Variants in ADO observed in about 807,000 individuals in gnomAD.
ADO encodes the protein 2-aminoethanethiol (cysteamine) dioxygenase.
In ADO, 9 loss-of-function variants were observed where a neutral mutation model predicts 16.6. The ratio of observed to expected loss-of-function variants is 0.54; its 90% CI spans 0.33 to 0.95. ADO has a LOEUF of 0.95. Among genes scored for constraint, ADO ranks in the 40% least tolerant of loss-of-function variants. The pLI is 0.03. For synonymous variants in ADO, 189 were observed against 179.6 expected (o/e 1.05, Z -0.42); for missense variants, 356 against 386.4 (o/e 0.92, Z 0.66).
chr10:62,805,416 C>A lies in ADO; in HGVS notation c.357C>A (p.Gly119=). 1.3e-6 allele frequency: 2 copies of A among 1,579,228 alleles called. No individual in the cohort carries two copies. Among genetic ancestry groups the A allele is most frequent in the East Asian group, 2.3e-5 (1 of 43,098 alleles). ...IPLHDHPGMH[G]MLKVLYGTVR... ...TGCACGACCACCCGGGCATGCACGG[C>A]ATGCTCAAGGTGCTGTACGGCACCG... Residue 119 remains glycine, a synonymous_variant, in exon 1 of 1, where the codon GGC becomes GGA. Transcript: ENST00000373783. The surrounding 1 kb of genome is among the most constrained non-coding windows in gnomAD (Gnocchi z 6.4).
Position 62,804,937 on chromosome 10 carries a change from G to C in ADO, c.-123G>C. ...TGGCGGCGGTGCCGCGCGCCCGACGGGCCGGTGGTTGCGGGGCCTCCCGCC... is the reference window on the plus strand; with the variant it reads ...TGGCGGCGGTGCCGCGCGCCCGACGCGCCGGTGGTTGCGGGGCCTCCCGCC... On this transcript the variant is annotated 5_prime_UTR_variant, in exon 1 of 1. Coordinates refer to ENST00000373783, the MANE Select transcript of ADO (RefSeq NM_032804.6). The C allele has an allele frequency of 1.1e-6, 1 of 938,598 alleles. No homozygotes were observed. The highest frequency in any genetic ancestry group is 1.4e-6 in the Non-Finnish European group (1 of 718,920). The allele number at this position is 938,598 out of a possible 1,614,324, so 58.1% of individuals were successfully genotyped here. A position where few individuals can be genotyped will look rare whatever the true frequency, so the allele number is the denominator to read the frequency against.
chr10:62,805,093 C>G lies in ADO; in HGVS notation c.34C>G (p.Arg12Gly). Residue 12 changes from arginine to glycine, a missense_variant, in exon 1 of 1, where the codon CGG (arginine) becomes GGG (glycine). Physicochemically the swap from Arg to Gly is moderately radical, Grantham distance 125. Coordinates refer to ENST00000373783, the MANE Select transcript of ADO (RefSeq NM_032804.6). The surrounding 1 kb of genome is among the most constrained non-coding windows in gnomAD (Gnocchi z 6.4). Reference protein sequence around the residue: ...PRDNMASLIQRIARQACLTFR... With the variant: ...PRDNMASLIQGIARQACLTFR... ...AGACAACATGGCCTCCTTGATCCAA[C>G]GGATCGCCCGCCAGGCTTGCCTCAC... 6.5e-7 allele frequency: 1 copy of G among 1,527,186 alleles called. No individual in the cohort carries two copies. The highest frequency in any genetic ancestry group is 8.7e-7 in the Non-Finnish European group (1 of 1,142,998). The allele number at this position is 1,527,186 out of a possible 1,614,324, so 94.6% of individuals were successfully genotyped here. A position where few individuals can be genotyped will look rare whatever the true frequency, so the allele number is the denominator to read the frequency against.
rs1299019845 is a variant in ADO at position 62,808,461 on chromosome 10, A to G, written c.*2589A>G. The G allele has an allele frequency of 6.0e-6, 1 of 167,132 alleles. No individual in the cohort carries two copies. Among genetic ancestry groups the G allele is most frequent in the African/African-American group, 2.4e-5 (1 of 41,474 alleles). 10.4% of individuals were successfully genotyped at this position (167,132 alleles called of 1,614,324 possible). ...ACTTTTATGGTGAATAATAAATGCA[A>G]TAATTGCCTCATGGGTGAGAAATTG... On this transcript the variant is annotated 3_prime_UTR_variant, in exon 1 of 1. Coordinates refer to ENST00000373783, the MANE Select transcript of ADO (RefSeq NM_032804.6).
chr10:62,806,199 A>G lies in ADO; in HGVS notation c.*327A>G. 3.8e-6 allele frequency: 1 copy of G among 260,922 alleles called. No homozygotes were observed. Among genetic ancestry groups the G allele is most frequent in the Middle Eastern group, 1.2e-3 (1 of 854 alleles). 16.2% of individuals were successfully genotyped at this position (260,922 alleles called of 1,614,324 possible). ...CTCTCTTCCCCATTCTATACAAAAT[A>G]CTAAGTGGTTTTCTTGCTCCCACTC... is the stretch of plus-strand genomic sequence containing the variant. On this transcript the variant is annotated 3_prime_UTR_variant, in exon 1 of 1. Transcript: ENST00000373783.
chr10:62,806,094 A>G lies in ADO; in HGVS notation c.*222A>G. 2 of 493,054 alleles carry G rather than the reference A, an allele frequency of 4.1e-6. No homozygotes were observed. The highest frequency in any genetic ancestry group is 7.3e-6 in the Non-Finnish European group (2 of 274,112). 30.5% of individuals were successfully genotyped at this position (493,054 alleles called of 1,614,324 possible). ...ATTGTTTCCTGGTACTGTCACTGCCACTGGGGCTTTGATTTGGAGGAATGG... is the reference window on the plus strand; with the variant it reads ...ATTGTTTCCTGGTACTGTCACTGCCGCTGGGGCTTTGATTTGGAGGAATGG... On this transcript the variant is annotated 3_prime_UTR_variant, in exon 1 of 1. Coordinates refer to ENST00000373783, the MANE Select transcript of ADO (RefSeq NM_032804.6).
rs1449123669 is a variant in ADO at position 62,805,439 on chromosome 10, C to G, written c.380C>G (p.Thr127Ser). Residue 127 changes from threonine (T) to serine (S), a missense_variant, in exon 1 of 1, where the codon ACC becomes AGC. Thr to Ser is a moderately conservative substitution (Grantham distance 58). Transcript: ENST00000373783. The surrounding 1 kb of genome is among the most constrained non-coding windows in gnomAD (Gnocchi z 6.4). Reference protein sequence around the residue: ...MHGMLKVLYGTVRISCMDKLD... With the variant: ...MHGMLKVLYGSVRISCMDKLD... Reference sequence around the variant, plus strand: ...GGCATGCTCAAGGTGCTGTACGGCACCGTGCGCATCAGCTGCATGGACAAG... The same window carrying G: ...GGCATGCTCAAGGTGCTGTACGGCAGCGTGCGCATCAGCTGCATGGACAAG... 1.3e-6 allele frequency: 2 copies of G among 1,560,794 alleles called. No homozygotes were observed. Among genetic ancestry groups the G allele is most frequent in the African/African-American group, 2.7e-5 (2 of 73,564 alleles).
chr10:62,805,819 G>T lies in ADO; in HGVS notation c.760G>T (p.Asp254Tyr). The T allele has an allele frequency of 6.4e-7, 1 of 1,574,070 alleles. No homozygotes were observed. The highest frequency in any genetic ancestry group is 8.6e-7 in the Non-Finnish European group (1 of 1,160,356). Residue 254 changes from aspartate to tyrosine, a missense_variant, in exon 1 of 1, where the codon GAT becomes TAT. By Grantham distance (160) the Asp-to-Tyr change is radical (BLOSUM62 -3). Coordinates refer to ENST00000373783, the MANE Select transcript of ADO (RefSeq NM_032804.6). The surrounding 1 kb of genome is among the most constrained non-coding windows in gnomAD (Gnocchi z 6.4). ...EVWLLETPQA[D>Y]DFWCEGEPYP... The stretch of plus-strand genomic sequence containing the variant: ...GTGGCTCCTGGAGACCCCACAGGCC[G>T]ATGACTTCTGGTGCGAGGGAGAACC...
At position 62,808,067 on chromosome 10, in the gene ADO, C is replaced by G. The variant is rs902666187; in HGVS notation, c.*2195C>G. On this transcript the variant is annotated 3_prime_UTR_variant, in exon 1 of 1. Coordinates refer to ENST00000373783, the MANE Select transcript of ADO (RefSeq NM_032804.6). The stretch of plus-strand genomic sequence containing the variant: ...TTACGAGCAATTTGGAAGAAAAAAC[C>G]TAAGGTGCTTTTCAAAAGAGTAACT... The G allele has an allele frequency of 6.0e-6, 1 of 167,004 alleles. No individual in the cohort carries two copies. The highest frequency in any genetic ancestry group is 2.4e-5 in the African/African-American group (1 of 41,410). 10.3% of individuals were successfully genotyped at this position (167,004 alleles called of 1,614,324 possible).
At position 62,808,298 on chromosome 10, in the gene ADO, CTG is replaced by C. The variant is rs1285143257; in HGVS notation, c.*2428_*2429del. Reference sequence around the variant, plus strand: ...ACTATCTTGCACCTGTGTGCATAAACTGTTAGTCGTGACTGACTTGGTGTGTT... The same window carrying C: ...ACTATCTTGCACCTGTGTGCATAAACTTAGTCGTGACTGACTTGGTGTGTT... On this transcript the variant is annotated 3_prime_UTR_variant, in exon 1 of 1. Coordinates refer to ENST00000373783, the MANE Select transcript of ADO (RefSeq NM_032804.6). 6.0e-6 allele frequency: 1 copy of C among 167,250 alleles called. No individual in the cohort carries two copies. Among genetic ancestry groups the C allele is most frequent in the Non-Finnish European group, 1.5e-5 (1 of 68,124 alleles). 10.4% of individuals were successfully genotyped at this position (167,250 alleles called of 1,614,324 possible). A position where few individuals can be genotyped will look rare whatever the true frequency, so the allele number is the denominator to read the frequency against.
chr10:62,807,514 C>G lies in ADO; in HGVS notation c.*1642C>G, dbSNP rs2132691471. ...ACCCAGGGTGAGGGAGTATTTGTTC[C>G]CAGTTTTTAAGATAGTATAAAAAAG... On this transcript the variant is annotated 3_prime_UTR_variant, in exon 1 of 1. Coordinates refer to ENST00000373783, the MANE Select transcript of ADO (RefSeq NM_032804.6). The G allele has an allele frequency of 6.0e-6, 1 of 167,098 alleles. No individual in the cohort carries two copies. Among genetic ancestry groups the G allele is most frequent in the African/African-American group, 2.4e-5 (1 of 41,498 alleles). 10.4% of individuals were successfully genotyped at this position (167,098 alleles called of 1,614,324 possible). A position where few individuals can be genotyped will look rare whatever the true frequency, so the allele number is the denominator to read the frequency against.
chr10:62,805,732 G>T lies in ADO; in HGVS notation c.673G>T (p.Val225Leu), dbSNP rs781114106. The T allele has an allele frequency of 1.9e-5, 31 of 1,610,658 alleles. No individual in the cohort carries two copies. The highest frequency in any genetic ancestry group is 2.6e-5 in the Non-Finnish European group (31 of 1,179,128). Residue 225 changes from valine to leucine, a missense_variant, in exon 1 of 1, where the codon GTG becomes TTG. Val to Leu is a conservative substitution (Grantham distance 32, BLOSUM62 1). Coordinates refer to ENST00000373783, the MANE Select transcript of ADO (RefSeq NM_032804.6). The surrounding 1 kb of genome is among the most constrained non-coding windows in gnomAD (Gnocchi z 6.4). The part of the protein sequence containing the change: ...DDGRDCHYYR[V>L]LEPVRPKEAS... Reference sequence around the variant, plus strand: ...TGGCCGGGACTGCCACTATTACCGGGTGCTGGAGCCGGTCAGGCCCAAGGA... The same window carrying T: ...TGGCCGGGACTGCCACTATTACCGGTTGCTGGAGCCGGTCAGGCCCAAGGA...
At position 62,805,647 on chromosome 10, in the gene ADO, C is replaced by G. The variant is rs561517580; in HGVS notation, c.588C>G (p.Asp196Glu). ...ACCGGGACAACCTGCACCAGATCGACGCCGTGGAAGGGCCTGCCGCCTTCC... is the reference window on the plus strand; with the variant it reads ...ACCGGGACAACCTGCACCAGATCGAGGCCGTGGAAGGGCCTGCCGCCTTCC... ...TPHRDNLHQI[D>E]AVEGPAAFLD... The change falls in exon 1 of 1, where the codon GAC becomes GAG. Residue 196 changes from aspartate (D) to glutamate (E), a missense_variant. Coordinates refer to ENST00000373783, the MANE Select transcript of ADO (RefSeq NM_032804.6). This position sits in a 1 kb window ranked among gnomAD's most constrained non-coding sequence, Gnocchi z 6.4. 6.2e-7 allele frequency: 1 copy of G among 1,609,440 alleles called. No homozygotes were observed. Among genetic ancestry groups the G allele is most frequent in the Admixed American group, 1.7e-5 (1 of 59,534 alleles).
rs61744064 is a variant in ADO, at chr10:62,805,251, G to A, written c.192G>A (p.Glu64=). ...GCCTCCTGACCCAGCTCCGCGCCGA[G>A]GACTTGAACATCGCCCCGCGCAAGG... The part of the protein sequence containing the change: ...LKSLLTQLRA[E]DLNIAPRKAT... The change falls in exon 1 of 1, where the codon GAG becomes GAA. Residue 64 remains glutamate, a synonymous_variant. Transcript: ENST00000373783. This position sits in a 1 kb window ranked among gnomAD's most constrained non-coding sequence, Gnocchi z 6.4. 0.07 allele frequency: 111,415 copies of A among 1,603,014 alleles called. 4,295 individuals carry two copies. The highest frequency in any genetic ancestry group is 0.15 in the East Asian group (6,729 of 44,506).
At position 62,807,028 on chromosome 10, in the gene ADO, G is replaced by A. The variant is rs570643934; in HGVS notation, c.*1156G>A. On this transcript the variant is annotated 3_prime_UTR_variant, in exon 1 of 1. Transcript: ENST00000373783. ...GGTTTTCCTTAGGAAGAGATAGAAG[G>A]CACAGAAGATCACAGCTAGAGAATT... 3.0e-5 allele frequency: 5 copies of A among 167,272 alleles called. No individual in the cohort carries two copies. Among genetic ancestry groups the A allele is most frequent in the African/African-American group, 1.2e-4 (5 of 41,554 alleles). 10.4% of individuals were successfully genotyped at this position (167,272 alleles called of 1,614,324 possible). A position where few individuals can be genotyped will look rare whatever the true frequency, so the allele number is the denominator to read the frequency against.
rs769921006 is a variant in ADO at position 62,805,292 on chromosome 10, T to G, written c.233T>G (p.Leu78Arg). 10 of 1,603,912 alleles carry G rather than the reference T, an allele frequency of 6.2e-6. No individual in the cohort carries two copies. In the African/African-American group the frequency reaches 1.2e-4, roughly 19 times the overall value. ...CCGCGCAAGGCCACACTGCAGCCGCTGCCGCCCAACCTGCCGCCAGTCACC... is the reference window on the plus strand; with the variant it reads ...CCGCGCAAGGCCACACTGCAGCCGCGGCCGCCCAACCTGCCGCCAGTCACC... ...IAPRKATLQPLPPNLPPVTYM... is the reference protein window; with the variant it reads ...IAPRKATLQPRPPNLPPVTYM... The change falls in exon 1 of 1, where the codon CTG becomes CGG. Residue 78 changes from leucine (L) to arginine (R), a missense_variant. Transcript: ENST00000373783. The surrounding 1 kb of genome is among the most constrained non-coding windows in gnomAD (Gnocchi z 6.4).
Position 62,805,742 on chromosome 10 carries a change from C to T in ADO, c.683C>T (p.Pro228Leu), listed in dbSNP as rs1360311439. Residue 228 changes from proline (P) to leucine (L), a missense_variant, in exon 1 of 1, where the codon CCG (proline) becomes CTG (leucine). Coordinates refer to ENST00000373783, the MANE Select transcript of ADO (RefSeq NM_032804.6). The surrounding 1 kb of genome is among the most constrained non-coding windows in gnomAD (Gnocchi z 6.4). The part of the protein sequence containing the change: ...RDCHYYRVLE[P>L]VRPKEASSSA... Reference sequence around the variant, plus strand: ...TGCCACTATTACCGGGTGCTGGAGCCGGTCAGGCCCAAGGAGGCCTCCAGC... The same window carrying T: ...TGCCACTATTACCGGGTGCTGGAGCTGGTCAGGCCCAAGGAGGCCTCCAGC... 6.2e-7 allele frequency: 1 copy of T among 1,609,252 alleles called. No homozygotes were observed. The highest frequency in any genetic ancestry group is 1.1e-5 in the South Asian group (1 of 90,078).
rs1842068426 is a variant in ADO, at chr10:62,807,848, G to A, written c.*1976G>A. The A allele has an allele frequency of 6.0e-6, 1 of 167,040 alleles. No homozygotes were observed. The highest frequency in any genetic ancestry group is 6.5e-5 in the Admixed American group (1 of 15,270). 10.3% of individuals were successfully genotyped at this position (167,040 alleles called of 1,614,324 possible). A position where few individuals can be genotyped will look rare whatever the true frequency, so the allele number is the denominator to read the frequency against. On this transcript the variant is annotated 3_prime_UTR_variant, in exon 1 of 1. Transcript: ENST00000373783. ...TTTCCATAGCACAGTAATGAATGTG[G>A]TTATCAATCACATACTTTTTTGGAT...
chr10:62,805,148 CTTCCGA>C lies in ADO; in HGVS notation c.91_96del (p.Ser31_Asp32del). ...CGGGGCAGCGGGGGCGGCCGCGGCGCTTCCGATCGCGACGCGGCTTCTGGCCCGGAG... is the reference window on the plus strand; with the variant it reads ...CGGGGCAGCGGGGGCGGCCGCGGCGCTCGCGACGCGGCTTCTGGCCCGGAG... On this transcript the variant is annotated inframe_deletion, in exon 1 of 1. Coordinates refer to ENST00000373783, the MANE Select transcript of ADO (RefSeq NM_032804.6). This position sits in a 1 kb window ranked among gnomAD's most constrained non-coding sequence, Gnocchi z 6.4. 1 of 1,583,170 alleles carries C rather than the reference CTTCCGA, an allele frequency of 6.3e-7. No individual in the cohort carries two copies. Among genetic ancestry groups the C allele is most frequent in the Non-Finnish European group, 8.5e-7 (1 of 1,170,094 alleles).
In ADO at chr10:62,805,759, G is replaced by A. The variant is rs1177720405; in HGVS notation, c.700G>A (p.Ala234Thr). ...GCTGGAGCCGGTCAGGCCCAAGGAG[G>A]CCTCCAGCTCGGCCTGTGACCTGCC... is the stretch of plus-strand genomic sequence containing the variant. ...RVLEPVRPKE[A>T]SSSACDLPRE... The change falls in exon 1 of 1, where the codon GCC becomes ACC. Residue 234 changes from alanine (A) to threonine (T), a missense_variant. Coordinates refer to ENST00000373783, the MANE Select transcript of ADO (RefSeq NM_032804.6). This position sits in a 1 kb window ranked among gnomAD's most constrained non-coding sequence, Gnocchi z 6.4. 1 of 1,606,482 alleles carries A rather than the reference G, an allele frequency of 6.2e-7. No individual in the cohort carries two copies. The highest frequency in any genetic ancestry group is 2.2e-5 in the East Asian group (1 of 44,548).
Sources: allele counts gnomAD v4.1 joint callset, GRCh38; gene constraint gnomAD v4.1.1; non-coding constraint Gnocchi (gnomAD v3.1); transcripts MANE v1.5; gene names NCBI Gene and HGNC (gene_info 2026-07-23, HGNC 2026-07-21).